BRMS1L: variants seen among roughly 807,000 people sequenced by gnomAD.
BRMS1L encodes the protein BRMS1 like transcriptional repressor, also known as breast cancer metastasis-suppressor 1-like protein.
A neutral mutation model predicts 50.3 loss-of-function variants in BRMS1L; 23 were observed. The observed-to-expected ratio is 0.46, with a 90% CI of 0.33 to 0.65. BRMS1L has a LOEUF of 0.65. Ranked by LOEUF, BRMS1L falls within the 30% of genes least tolerant of loss-of-function variation. The pLI is 0.02. For missense variants in BRMS1L, 286 were observed against 386.1 expected, an observed-to-expected ratio of 0.74 and a Z score of 2.17; for synonymous variants, 114 against 126.9, an observed-to-expected ratio of 0.90 and a Z score of 0.69.
chr14:35,870,475 T>G lies in BRMS1L; in HGVS notation c.970T>G (p.Ter324GluextTer2). 1 of 1,565,734 alleles carries G rather than the reference T, an allele frequency of 6.4e-7. No individual in the cohort carries two copies. Among genetic ancestry groups the G allele is most frequent in the Non-Finnish European group, 8.8e-7 (1 of 1,140,844 alleles). The change falls in exon 10 of 10, where the codon TAA becomes GAA. Residue 324 changes from the stop codon to glutamate (E), a stop_lost. Coordinates refer to ENST00000216807, the MANE Select transcript of BRMS1L (RefSeq NM_032352.4). Reference protein sequence around the residue: ...QKGKYSIKHS* With the variant: ...QKGKYSIKHSE ...AGGAAAATATTCAATTAAACATTCA[T>G]AATCATGATTTAAGTGTTATCTAAA...
intron 5 of BRMS1L, among the ~76,000 whole-genome samples, chr14:35,862,904 G>GGGAC (rs977295849): frequency 9.2e-5 from 14 of 152,174 alleles, no homozygotes; most frequent in Non-Finnish European, 1.9e-4. Flanking sequence ...CACACGACAA[G>GGGAC]GGACGAAACA....
At chr14:35,859,247 C>T (rs1434222648) in intron 4 of BRMS1L, among the ~76,000 whole-genome samples, 1 of 151,960 alleles carries the variant, frequency 6.6e-6, no homozygotes, top group African/African-American at 2.4e-5. Flanking sequence ...CCTGGCCCAT[C>T]CTACCCGTAT....
chr14:35,846,151 C>T (rs1271269525), intron 4 of BRMS1L, among the ~76,000 whole-genome samples: 1 of 152,040 alleles, frequency 6.6e-6, no homozygotes, highest in African/African-American at 2.4e-5. Flanking sequence ...CTTTGGGAGC[C>T]TGAGGTGGGA....
At chr14:35,836,694 A>G (rs115158579) in intron 4 of BRMS1L, among the ~76,000 whole-genome samples, 33 of 152,194 alleles carry the variant, frequency 2.2e-4, no homozygotes, top group African/African-American at 8.0e-4. Flanking sequence ...AAAAGTTGAA[A>G]TTTTGCTTTC....
chr14:35,849,918 C>G (rs2078187365), intron 4 of BRMS1L, among the ~76,000 whole-genome samples: 1 of 151,694 alleles, frequency 6.6e-6, no homozygotes, highest in Non-Finnish European at 1.5e-5. Context: ...CTCCCGGGAT[C>G]AAGCGATTCT....
chr14:35,833,238 T>C (rs947211045), intron 3 of BRMS1L, 133 bp downstream of exon 3: 11 of 887,836 alleles, frequency 1.2e-5, no homozygotes, highest in South Asian at 4.7e-5. Context: ...ATTTTACTTT[T>C]AGTTAGCCCA....
chr14:35,850,609 C>A (rs1187962947), intron 4 of BRMS1L, among the ~76,000 whole-genome samples: 2 of 152,186 alleles, frequency 1.3e-5, no homozygotes, highest in African/African-American at 4.8e-5. Context: ...TGTGTCATAT[C>A]AAAGAAAGCA....
intron 4 of BRMS1L, among the ~76,000 whole-genome samples, chr14:35,852,990 G>GTATC (rs72342569): frequency 0.023 from 3,486 of 148,822 alleles, 87 homozygotes; most frequent in African/African-American, 0.06. Context: ...CTTTATATCT[G>GTATC]TATCTATCTA....
intron 4 of BRMS1L, among the ~76,000 whole-genome samples, chr14:35,854,847 T>C (rs1196777222): frequency 6.6e-6 from 1 of 152,252 alleles, no homozygotes; most frequent in Non-Finnish European, 1.5e-5. Context: ...CTAGACATCA[T>C]GGTGTGCCAC....
intron 2 of BRMS1L, 91 bp from the exon 3 acceptor site, chr14:35,832,887 T>C: frequency 8.9e-7 from 1 of 1,124,100 alleles, no homozygotes; most frequent in African/African-American, 1.6e-5. Flanking sequence ...AGAATATAAA[T>C]GATATTGGGA....
chr14:35,867,987 G>A lies in BRMS1L; in HGVS notation c.809G>A (p.Arg270His), dbSNP rs771839191. The A allele has an allele frequency of 1.4e-5, 22 of 1,610,804 alleles. No homozygotes were observed. Among genetic ancestry groups the A allele is most frequent in the African/African-American group, 2.7e-5 (2 of 74,698 alleles). Residue 270 changes from arginine (R) to histidine (H), a missense_variant, in exon 9 of 10, where the codon CGT (arginine) becomes CAT (histidine). Transcript: ENST00000216807. ...RLYYDGEWYI[R>H]GQTICIDKKD... is the part of the protein sequence containing the mutation. The stretch of plus-strand genomic sequence containing the variant: ...TATTATGATGGTGAATGGTATATAC[G>A]TGGACAAACAATATGTATTGATAAA...
intron 4 of BRMS1L, among the ~76,000 whole-genome samples, chr14:35,852,848 G>A (rs573256078): frequency 4.6e-5 from 7 of 152,126 alleles, no homozygotes; most frequent in African/African-American, 9.6e-5. Context: ...GGAGAATGGC[G>A]TGAACCCGGG....
intron 1 of BRMS1L, among the ~76,000 whole-genome samples, chr14:35,826,926 G>T (rs1348092068): frequency 6.6e-6 from 1 of 152,158 alleles, no homozygotes; most frequent in Non-Finnish European, 1.5e-5. Flanking sequence ...GCTCTGGAGC[G>T]ACCAGCCCAG....
At chr14:35,835,548 T>G (rs2077980459) in intron 4 of BRMS1L, among the ~76,000 whole-genome samples, 1 of 152,096 alleles carries the variant, frequency 6.6e-6, no homozygotes, top group African/African-American at 2.4e-5. Context: ...TTATAGCATT[T>G]AAAAAACATA....
intron 4 of BRMS1L, among the ~76,000 whole-genome samples, chr14:35,835,865 CAACA>C (rs370275885): frequency 3.8e-4 from 58 of 152,036 alleles, no homozygotes; most frequent in African/African-American, 1.4e-3. Context: ...ACTACAACAA[CAACA>C]AACAAAAAAA....
chr14:35,838,003 C>G (rs1376630530), intron 4 of BRMS1L, among the ~76,000 whole-genome samples: 3 of 152,160 alleles, frequency 2.0e-5, no homozygotes, highest in Non-Finnish European at 4.4e-5. Context: ...AGGTATTTCT[C>G]CTAATGCTAT....
At chr14:35,865,205 A>C (rs2078405610) in intron 7 of BRMS1L, among the ~76,000 whole-genome samples, 3 of 152,210 alleles carry the variant, frequency 2.0e-5, no homozygotes, top group Admixed American at 2.0e-4. Flanking sequence ...GTTTGATTGT[A>C]TTTTTTCTAT....
chr14:35,826,878 C>T (rs377741568), intron 1 of BRMS1L: 1 of 611,588 alleles, frequency 1.6e-6, no homozygotes, highest in Non-Finnish European at 2.6e-6. Flanking sequence ...CTGGGCTTGT[C>T]CAGCTCCCAA....
chr14:35,864,907 A>G, intron 6 of BRMS1L, 28 bp from the exon 7 acceptor site: 1 of 1,426,006 alleles, frequency 7.0e-7, no homozygotes, highest in African/African-American at 1.5e-5. Flanking sequence ...TGATATTCTT[A>G]CAGCTAAATT....
Sources: allele counts gnomAD v4.1 joint callset (sites outside exome capture counted in the v4.1 genomes callset), GRCh38; gene constraint gnomAD v4.1.1; transcripts MANE v1.5; gene names NCBI Gene and HGNC (gene_info 2026-07-23, HGNC 2026-07-21).